The following MYH1 variants were observed in gnomAD, a reference collection of about 807,000 sequenced individuals.
MYH1 encodes the protein myosin heavy chain 1.
Under a neutral mutation model 225.6 loss-of-function variants are expected in MYH1, and 214 were observed. That is an observed-to-expected ratio of 0.95 (90% CI 0.85 to 1.06). The LOEUF (loss-of-function observed/expected upper bound fraction) is 1.06. MYH1 is among the 50% of genes least tolerant of loss of function. The pLI, the probability that MYH1 is intolerant of heterozygous loss-of-function variation, is 0.00. For missense variants in MYH1, 2,098 were observed against 2,344.2 expected (o/e 0.89, Z 2.17); for synonymous variants, 774 against 842.3 (o/e 0.92, Z 1.40).
Position 10,506,384 on chromosome 17 carries a change from T to C in MYH1, c.1969-285A>G, listed in dbSNP as rs541039746. On this transcript the variant is annotated intron_variant, in intron 17 of 39. Transcript: ENST00000226207. ...TAAATTCACTATGACACTCTAAATA[T>C]ATGGAAATACTCTACCCATTCTTTT... Among the ~76,000 whole-genome samples the C allele has an allele frequency of 8.5e-5, 13 of 152,330 alleles. No individual in the cohort carries two copies. In the South Asian group the frequency reaches 2.7e-3, roughly 32 times the overall value.
At chr17:10,495,438 A>G in intron 35 of MYH1, 121 bp from the exon 36 acceptor site, 1 of 1,338,812 alleles carries the variant, frequency 7.5e-7, no homozygotes, top group Non-Finnish European at 1.0e-6. Flanking sequence ...TCCTTGTTTC[A>G]TAAATTATCT....
At chr17:10,515,375 C>A (rs1401363201) in intron 5 of MYH1, among the ~76,000 whole-genome samples, 1 of 152,060 alleles carries the variant, frequency 6.6e-6, no homozygotes, top group African/African-American at 2.4e-5. Flanking sequence ...ATGCCTCAAT[C>A]AAAATAAAAT....
Position 10,512,690 on chromosome 17 carries a change from C to G in MYH1, c.999G>C (p.Met333Ile). ...TTCATGTATAACTTACATCTGTAGC[C>G]ATCAACTCTTCTTGGTCATCAATGC... Reference protein sequence around the residue: ...VPSIDDQEELMATDSAIEILG... With the variant: ...VPSIDDQEELIATDSAIEILG... Residue 333 changes from methionine (M) to isoleucine (I), a missense_variant, in exon 11 of 40, where the codon ATG (methionine) becomes ATC (isoleucine). Transcript: ENST00000226207. The G allele has an allele frequency of 6.2e-7, 1 of 1,613,568 alleles. No individual in the cohort carries two copies. The highest frequency in any genetic ancestry group is 8.5e-7 in the Non-Finnish European group (1 of 1,179,822).
At position 10,498,734 on chromosome 17, in the gene MYH1, T is replaced by A. The variant is rs774684415; in HGVS notation, c.4073A>T (p.Lys1358Met). 6.2e-7 allele frequency: 1 copy of A among 1,614,066 alleles called. No individual in the cohort carries two copies. The highest frequency in any genetic ancestry group is 8.5e-7 in the Non-Finnish European group (1 of 1,180,002). ...GGACATTGCTCTCTGTAGCTCGGCC[T>A]TGGCTTCCTGCTCCTCCTCATACTG... Reference protein sequence around the residue: ...REQYEEEQEAKAELQRAMSKA... With the variant: ...REQYEEEQEAMAELQRAMSKA... The change falls in exon 30 of 40, where the codon AAG becomes ATG. Residue 1358 changes from lysine (K) to methionine (M), a missense_variant. Physicochemically the swap from Lys to Met is moderately conservative, Grantham distance 95. Coordinates refer to ENST00000226207, the MANE Select transcript of MYH1 (RefSeq NM_005963.4).
Position 10,514,878 on chromosome 17 carries a change from T to G in MYH1, c.523A>C (p.Ile175Leu), listed in dbSNP as rs756063118. 6.2e-7 allele frequency: 1 copy of G among 1,612,660 alleles called. No homozygotes were observed. The highest frequency in any genetic ancestry group is 1.3e-5 in the African/African-American group (1 of 74,870). Reference protein sequence around the residue: ...FMLTDRENQSILITGESGAGK... With the variant: ...FMLTDRENQSLLITGESGAGK... ...AATAGGAATACATACGTGATCAAGA[T>G]AGACTGATTCTCCCGATCTAGAAGA... The change falls in exon 6 of 40, where the codon ATC (isoleucine) becomes CTC (leucine). Residue 175 changes from isoleucine to leucine, a missense_variant. Transcript: ENST00000226207.
chr17:10,496,934 T>C (rs2073001640), intron 33 of MYH1, 135 bp downstream of exon 33: 1 of 1,164,826 alleles, frequency 8.6e-7, no homozygotes, highest in Non-Finnish European at 1.2e-6. Context: ...GTTGTATGCA[T>C]GATCAGTTCT....
At position 10,501,641 on chromosome 17, in the gene MYH1, C is replaced by T; in HGVS notation, c.3301G>A (p.Glu1101Lys). The change falls in exon 26 of 40, where the codon GAA becomes AAA. Residue 1101 changes from glutamate (E) to lysine (K), a missense_variant. Coordinates refer to ENST00000226207, the MANE Select transcript of MYH1 (RefSeq NM_005963.4). Reference protein sequence around the residue: ...MSGLQSKIEDEQALGMQLQKK... With the variant: ...MSGLQSKIEDKQALGMQLQKK... ...TGCAGCTGCATACCAAGGGCTTGTTCATCTTCAATCTTGCTTTGCAGACCG... is the reference window on the plus strand; with the variant it reads ...TGCAGCTGCATACCAAGGGCTTGTTTATCTTCAATCTTGCTTTGCAGACCG... The T allele has an allele frequency of 6.2e-7, 1 of 1,614,222 alleles. No individual in the cohort carries two copies. Among genetic ancestry groups the T allele is most frequent in the East Asian group, 2.2e-5 (1 of 44,880 alleles).
intron 28 of MYH1, among the ~76,000 whole-genome samples, chr17:10,499,834 T>C (rs2073034071): frequency 6.6e-6 from 1 of 152,198 alleles, no homozygotes; most frequent in Non-Finnish European, 1.5e-5. Flanking sequence ...ATACCAAAAG[T>C]GTAGAGTGAT....
intron 35 of MYH1, 107 bp downstream of exon 35, chr17:10,495,843 T>C: frequency 7.5e-7 from 1 of 1,341,762 alleles, no homozygotes; most frequent in South Asian, 1.5e-5. Context: ...TTTTAAACTT[T>C]ATCCTTCATG....
chr17:10,500,584 G>A, intron 28 of MYH1, 42 bp downstream of exon 28: 1 of 1,610,744 alleles, frequency 6.2e-7, no homozygotes. Context: ...ACACATGCAG[G>A]GTGAATTTGT....
At position 10,514,037 on chromosome 17, in the gene MYH1, C is replaced by T. The variant is rs768640037; in HGVS notation, c.621G>A (p.Lys207=). ...ATIAVTGEKK[K]EEVTSGKMQG... The stretch of plus-strand genomic sequence containing the variant: ...GCATTTTGCCAGAAGTAACTTCTTC[C>T]TTCTTCTTCTCCCCAGTAACTGCAA... The change falls in exon 7 of 40, where the codon AAG becomes AAA. Residue 207 remains lysine, a synonymous_variant. Transcript: ENST00000226207. 4 of 1,613,990 alleles carry T rather than the reference C, an allele frequency of 2.5e-6. No individual in the cohort carries two copies. The highest frequency in any genetic ancestry group is 1.1e-5 in the South Asian group (1 of 91,076).
chr17:10,495,837 A>G (rs1350491874), intron 35 of MYH1, 113 bp downstream of exon 35: 21 of 1,281,160 alleles, frequency 1.6e-5, no homozygotes, highest in Non-Finnish European at 2.2e-5. Flanking sequence ...AAAATATTTT[A>G]AACTTTATCC....
chr17:10,497,099 A>C lies in MYH1; in HGVS notation c.4626T>G (p.Ser1542=), dbSNP rs1471244490. The change falls in exon 33 of 40, where the codon TCT becomes TCG. Residue 1542 remains serine (S), a synonymous_variant. Transcript: ENST00000226207. ...KIKKQVEQEK[S]ELQAALEEAE... is the part of the protein sequence containing the mutation. ...CCTCCTCTAAGGCAGCCTGAAGTTC[A>C]GACTTTTCTTGCTCAACTTGCTTCT... 1.2e-6 allele frequency: 2 copies of C among 1,613,962 alleles called. No homozygotes were observed.
chr17:10,498,147 A>G (rs1159789334), intron 30 of MYH1, among the ~76,000 whole-genome samples: 1 of 152,238 alleles, frequency 6.6e-6, no homozygotes, highest in Non-Finnish European at 1.5e-5. Flanking sequence ...AAGGCCATCC[A>G]TGACAAGCAT....
At chr17:10,510,536 T>A (rs142132945) in intron 14 of MYH1, among the ~76,000 whole-genome samples, 57 of 152,254 alleles carry the variant, frequency 3.7e-4, no homozygotes, top group African/African-American at 1.3e-3. Context: ...CTCCTAGAAC[T>A]TGAGTAGACC....
intron 5 of MYH1, 144 bp downstream of exon 5, chr17:10,515,782 A>T: frequency 1.4e-6 from 2 of 1,385,894 alleles, no homozygotes; most frequent in East Asian, 4.7e-5. Context: ...CTTTGACAGT[A>T]TATACTTCTC....
At chr17:10,517,263 C>T (rs773585057) in intron 2 of MYH1, among the ~76,000 whole-genome samples, 2 of 152,190 alleles carry the variant, frequency 1.3e-5, no homozygotes, top group Non-Finnish European at 2.9e-5. Context: ...GTTACGAAGA[C>T]TTCCTAATAT....
At chr17:10,505,131 G>A (rs762850490) in intron 21 of MYH1, 32 bp downstream of exon 21, 2 of 1,613,412 alleles carry the variant, frequency 1.2e-6, no homozygotes, top group African/African-American at 2.7e-5. Context: ...CACCTAAGAT[G>A]ATGAGGTTAA....
At chr17:10,511,600 C>A (rs1468081881) in intron 14 of MYH1, among the ~76,000 whole-genome samples, 4 of 152,160 alleles carry the variant, frequency 2.6e-5, no homozygotes, top group Admixed American at 2.6e-4. Flanking sequence ...CAATCAGGTA[C>A]AATTCTCATT....
Sources: gnomAD v4.1 joint callset for allele counts (sites outside exome capture counted in the v4.1 genomes callset) on GRCh38, gnomAD v4.1.1 for gene constraint, MANE v1.5 for transcripts, NCBI Gene and HGNC (gene_info 2026-07-23, HGNC 2026-07-21) for gene names.